Variants in MYO3A observed in about 807,000 individuals in gnomAD.
MYO3A encodes myosin-IIIa.
Under a neutral mutation model 192.7 loss-of-function variants are expected in MYO3A, and 180 were observed. That is an observed-to-expected ratio of 0.93 (90% CI 0.83 to 1.06). The LOEUF is 1.06. Among genes scored for constraint, MYO3A ranks in the 50% least tolerant of loss-of-function variants. The pLI is 0.00. For synonymous variants in MYO3A, 628 were observed against 645.3 expected, an observed-to-expected ratio of 0.97 and a Z score of 0.41; for missense variants, 1,896 against 1,905.0, an observed-to-expected ratio of 1.00 and a Z score of 0.09.
chr10:25,939,483 A>G (rs1188360383), intron 2 of MYO3A, among the ~76,000 whole-genome samples: 2 of 151,976 alleles, frequency 1.3e-5, no homozygotes, highest in African/African-American at 2.4e-5. Context: ...GTTGCTGGTC[A>G]TACATTTTGT....
chr10:26,095,289 T>G (rs922387678), intron 15 of MYO3A, among the ~76,000 whole-genome samples: 1 of 152,056 alleles, frequency 6.6e-6, no homozygotes, highest in Non-Finnish European at 1.5e-5. Flanking sequence ...CATAATTAAT[T>G]TAACCACTGT....
chr10:26,019,880 A>C (rs1258055385), intron 7 of MYO3A, among the ~76,000 whole-genome samples: 1 of 152,108 alleles, frequency 6.6e-6, no homozygotes, highest in Non-Finnish European at 1.5e-5. Context: ...TTAATGTAAA[A>C]CTTAGGACTT....
chr10:26,004,440 T>C (rs1239388114), intron 6 of MYO3A, among the ~76,000 whole-genome samples: 1 of 151,178 alleles, frequency 6.6e-6, no homozygotes, highest in Non-Finnish European at 1.5e-5. Context: ...TCTGTTTATA[T>C]TAATATATAT....
intron 17 of MYO3A, among the ~76,000 whole-genome samples, chr10:26,113,907 C>T (rs372150772): frequency 6.6e-6 from 1 of 152,196 alleles, no homozygotes; most frequent in Non-Finnish European, 1.5e-5. Flanking sequence ...CTAGTTTCTG[C>T]AGATTGCTCA....
At chr10:26,091,719 A>AT (rs746100831) in intron 15 of MYO3A, among the ~76,000 whole-genome samples, 2 of 152,170 alleles carry the variant, frequency 1.3e-5, no homozygotes, top group African/African-American at 2.4e-5. Context: ...ACAGGGTGTC[A>AT]TTTTCTCTTT....
chr10:26,098,432 A>T (rs1487150364), intron 17 of MYO3A, among the ~76,000 whole-genome samples: 2 of 152,074 alleles, frequency 1.3e-5, no homozygotes, highest in Admixed American at 1.3e-4. Context: ...CCCATTTGTC[A>T]ATTTTGGCTT....
At chr10:26,033,098 G>C (rs1842875194) in intron 10 of MYO3A, among the ~76,000 whole-genome samples, 1 of 152,004 alleles carries the variant, frequency 6.6e-6, no homozygotes, top group South Asian at 2.1e-4. Context: ...TTTTGAGACA[G>C]GGTCTTGTTC....
intron 6 of MYO3A, among the ~76,000 whole-genome samples, chr10:26,003,183 C>A (rs1840963517): frequency 6.6e-6 from 1 of 152,166 alleles, no homozygotes; most frequent in East Asian, 1.9e-4. Flanking sequence ...AGGCAAACTA[C>A]TTAGTATAAT....
intron 15 of MYO3A, among the ~76,000 whole-genome samples, chr10:26,093,662 C>T (rs1263577357): frequency 6.6e-6 from 1 of 152,172 alleles, no homozygotes; most frequent in African/African-American, 2.4e-5. Flanking sequence ...GTCCCTGCAG[C>T]TTTTCTCGTT....
intron 6 of MYO3A, among the ~76,000 whole-genome samples, chr10:26,012,241 A>C (rs1841708532): frequency 6.6e-6 from 1 of 152,060 alleles, no homozygotes; most frequent in Non-Finnish European, 1.5e-5. Flanking sequence ...CTGGAAGTAC[A>C]GAGCAATTAA....
intron 4 of MYO3A, among the ~76,000 whole-genome samples, chr10:25,974,700 G>T (rs373756615): frequency 6.6e-6 from 1 of 152,104 alleles, no homozygotes; most frequent in African/African-American, 2.4e-5. Context: ...ATGTTTCTTC[G>T]CTGACTGTAT....
At chr10:26,095,718 C>A (rs1458568003) in intron 15 of MYO3A, among the ~76,000 whole-genome samples, 1 of 152,174 alleles carries the variant, frequency 6.6e-6, no homozygotes, top group East Asian at 1.9e-4. Context: ...ATTGCAGCAT[C>A]TGGAAAATGC....
intron 17 of MYO3A, among the ~76,000 whole-genome samples, chr10:26,116,501 C>T (rs1320049510): frequency 1.3e-5 from 2 of 152,174 alleles, no homozygotes; most frequent in African/African-American, 4.8e-5. Flanking sequence ...AATAAGACCA[C>T]GTTCTGAGTA....
intron 3 of MYO3A, 33 bp from the exon 4 acceptor site, chr10:25,954,841 C>T (rs1256076926): frequency 6.2e-7 from 1 of 1,601,830 alleles, no homozygotes; most frequent in East Asian, 2.2e-5. Context: ...ATGGTTTTCT[C>T]ACAGTTCTAT....
At chr10:25,976,753 T>C (rs546428152) in intron 4 of MYO3A, among the ~76,000 whole-genome samples, 225 of 152,296 alleles carry the variant, frequency 1.5e-3, no homozygotes, top group African/African-American at 5.2e-3. Flanking sequence ...ATTTTAGCAT[T>C]GTGTTGCAAA....
At chr10:25,988,939 C>CTTTTTTTTTTTTTTTTTTTTTTT (rs56308717) in intron 4 of MYO3A, among the ~76,000 whole-genome samples, 2 of 117,016 alleles carry the variant, frequency 1.7e-5, no homozygotes, top group Non-Finnish European at 3.5e-5. Context: ...CCCTAAAACT[C>CTTTTTTTTTTTTTTTTTTTTTTT]TTTTTTTTTT....
chr10:26,091,807 G>A (rs1383023184), intron 15 of MYO3A, among the ~76,000 whole-genome samples: 2 of 152,204 alleles, frequency 1.3e-5, no homozygotes, highest in Non-Finnish European at 2.9e-5. Context: ...GGAGTTTGAA[G>A]CCTCATCCTT....
At chr10:25,998,936 C>T (rs1026268134) in intron 6 of MYO3A, among the ~76,000 whole-genome samples, 3 of 152,228 alleles carry the variant, frequency 2.0e-5, no homozygotes, top group South Asian at 2.1e-4. Flanking sequence ...CTCACTCTGT[C>T]GCCCAGGCTG....
intron 6 of MYO3A, among the ~76,000 whole-genome samples, chr10:26,006,492 A>G (rs1030958903): frequency 6.6e-6 from 1 of 152,232 alleles, no homozygotes; most frequent in African/African-American, 2.4e-5. Context: ...AGCAAGACTA[A>G]TAAAGAAGAA....
Sources: gnomAD v4.1 joint callset for allele counts (sites outside exome capture counted in the v4.1 genomes callset) on GRCh38, gnomAD v4.1.1 for gene constraint, MANE v1.5 for transcripts, NCBI Gene and HGNC (gene_info 2026-07-23, HGNC 2026-07-21) for gene names.